Variants in MACROD2 observed in about 807,000 individuals in gnomAD.
MACROD2 encodes the protein mono-ADP ribosylhydrolase 2.
Under a neutral mutation model 70.4 loss-of-function variants are expected in MACROD2, and 36 were observed. The observed-to-expected ratio is 0.51, with a 90% CI of 0.39 to 0.68. MACROD2 has a LOEUF of 0.68. Among genes scored for constraint, MACROD2 ranks in the 30% least tolerant of loss-of-function variants. MACROD2 has a pLI of 0.00. For synonymous variants in MACROD2, 172 were observed against 178.8 expected, an observed-to-expected ratio of 0.96 and a Z score of 0.30; for missense variants, 496 against 538.4, an observed-to-expected ratio of 0.92 and a Z score of 0.78.
chr20:15,201,761 C>T (rs1317647620), intron 5 of MACROD2, among the ~76,000 whole-genome samples: 1 of 152,218 alleles, frequency 6.6e-6, no homozygotes, highest in Non-Finnish European at 1.5e-5. Context: ...TCTCTGATGT[C>T]TGCATTTGCA....
chr20:15,743,212 G>C (rs1024854837), intron 8 of MACROD2, among the ~76,000 whole-genome samples: 1 of 152,020 alleles, frequency 6.6e-6, no homozygotes, highest in Non-Finnish European at 1.5e-5. Context: ...ACATTTCAGC[G>C]GGCAAAGAAT....
intron 5 of MACROD2, among the ~76,000 whole-genome samples, chr20:15,019,438 T>C (rs1162455719): frequency 1.3e-5 from 2 of 152,158 alleles, no homozygotes; most frequent in African/African-American, 4.8e-5. Context: ...CTTTTTCCAC[T>C]ACACCCCTGC....
chr20:14,594,586 G>GT (rs1299872087), intron 4 of MACROD2, among the ~76,000 whole-genome samples: 1 of 151,948 alleles, frequency 6.6e-6, no homozygotes, highest in Non-Finnish European at 1.5e-5. Context: ...ATTATTTGTT[G>GT]TGGTTAAGTT....
At chr20:15,442,285 C>T (rs1236261087) in intron 7 of MACROD2, among the ~76,000 whole-genome samples, 1 of 152,110 alleles carries the variant, frequency 6.6e-6, no homozygotes, top group Non-Finnish European at 1.5e-5. Flanking sequence ...TGTATGTGAA[C>T]AAGACCATAT....
chr20:15,417,123 A>G (rs993489317), intron 6 of MACROD2, among the ~76,000 whole-genome samples: 6 of 152,120 alleles, frequency 3.9e-5, no homozygotes, highest in African/African-American at 1.4e-4. Flanking sequence ...TCCTTCTCCA[A>G]TTATGTGGTT....
intron 5 of MACROD2, among the ~76,000 whole-genome samples, chr20:15,185,479 A>G (rs1027029571): frequency 6.6e-6 from 1 of 152,186 alleles, no homozygotes; most frequent in Non-Finnish European, 1.5e-5. Flanking sequence ...TGTATCATTT[A>G]TCTGGGCTAA....
intron 5 of MACROD2, among the ~76,000 whole-genome samples, chr20:15,097,857 G>C (rs2075845488): frequency 6.6e-6 from 1 of 152,122 alleles, no homozygotes; most frequent in African/African-American, 2.4e-5. Context: ...CTTGGGAATG[G>C]GTATTTCAGT....
intron 6 of MACROD2, among the ~76,000 whole-genome samples, chr20:15,383,724 A>T (rs138985081): frequency 6.5e-4 from 99 of 152,228 alleles, no homozygotes; most frequent in African/African-American, 2.4e-3. Flanking sequence ...ACAAAATATG[A>T]TATGTGTTCC....
chr20:15,315,882 C>A (rs186818927), intron 6 of MACROD2, among the ~76,000 whole-genome samples: 58 of 151,760 alleles, frequency 3.8e-4, no homozygotes, highest in Admixed American at 3.3e-4. Flanking sequence ...TGGTTAATTG[C>A]CTCACAGTGC....
rs576313858 is a variant in MACROD2, at chr20:14,935,503, C to G, written c.418+250544C>G. On this transcript the variant is annotated intron_variant, in intron 5 of 17. Transcript: ENST00000684519. ...AACCCTAATGTAGCCAGTGAAAACT[C>G]AGGCATCTGGGATCCCTTGATATAA... 3.3e-5 allele frequency: 5 copies of G among 152,264 alleles called. No homozygotes were observed. The East Asian group carries it at 9.6e-4, about 29-fold the overall frequency. 9.4% of individuals were successfully genotyped at this position (152,264 alleles called of 1,614,324 possible). A position where few individuals can be genotyped will look rare whatever the true frequency, so the allele number is the denominator to read the frequency against.
intron 5 of MACROD2, among the ~76,000 whole-genome samples, chr20:15,035,116 G>A (rs533401851): frequency 6.6e-6 from 1 of 152,274 alleles, no homozygotes; most frequent in Non-Finnish European, 1.5e-5. Context: ...TACCAAGGCA[G>A]GGTGTCTTGG....
chr20:15,940,976 A>T (rs989370323), intron 12 of MACROD2, among the ~76,000 whole-genome samples: 5 of 152,200 alleles, frequency 3.3e-5, no homozygotes, highest in African/African-American at 1.2e-4. Flanking sequence ...GAATGTGACC[A>T]TGTTTCAGGC....
intron 4 of MACROD2, among the ~76,000 whole-genome samples, chr20:14,614,162 C>G (rs1312174267): frequency 1.3e-5 from 2 of 152,142 alleles, no homozygotes. Context: ...CCACACCTAA[C>G]TAACTGTGTG....
intron 15 of MACROD2, among the ~76,000 whole-genome samples, chr20:16,014,332 T>G (rs2066902053): frequency 6.6e-6 from 1 of 152,212 alleles, no homozygotes; most frequent in East Asian, 1.9e-4. Context: ...ACTATTGTTA[T>G]GAGGATTTGA....
chr20:15,590,943 GAGAA>G lies in MACROD2; in HGVS notation c.645+91110_645+91113del, dbSNP rs777903495. Among the ~76,000 whole-genome samples the G allele has an allele frequency of 4.7e-3, 609 of 130,106 alleles. 2 individuals are homozygous for G. Among genetic ancestry groups the G allele is most frequent in the East Asian group, 0.014 (64 of 4,486 alleles). The allele number at this position is 130,106 out of a possible 152,430, so 85.4% of individuals were successfully genotyped here. ...GGAAAGAAGGAAGGAAGGAAAGAGA[GAGAA>G]AGAAAGAAAGAAAAAGAAAGAAAGA... is the stretch of plus-strand genomic sequence containing the variant. On this transcript the variant is annotated intron_variant, in intron 8 of 17. Transcript: ENST00000684519.
At chr20:15,694,686 C>T (rs986317594) in intron 8 of MACROD2, among the ~76,000 whole-genome samples, 2 of 152,128 alleles carry the variant, frequency 1.3e-5, no homozygotes, top group African/African-American at 4.8e-5. Flanking sequence ...ACTCTGCTGA[C>T]TGTTCCTTTT....
At chr20:14,997,187 C>T (rs980567471) in intron 5 of MACROD2, among the ~76,000 whole-genome samples, 4 of 152,154 alleles carry the variant, frequency 2.6e-5, no homozygotes, top group African/African-American at 9.7e-5. Flanking sequence ...ATAAAGAGGA[C>T]TTTGTTTTAC....
chr20:14,974,847 C>T lies in MACROD2; in HGVS notation c.419-255093C>T, dbSNP rs551278906. On this transcript the variant is annotated intron_variant, in intron 5 of 17. Coordinates refer to ENST00000684519, the MANE Select transcript of MACROD2 (RefSeq NM_001351661.2). The stretch of plus-strand genomic sequence containing the variant: ...CAAGCAGATATGGATATGTGGATGC[C>T]ATGCAGACTGTGTGAACTCTAGAAC... Among the ~76,000 whole-genome samples the T allele has an allele frequency of 3.9e-5, 6 of 152,130 alleles. No homozygotes were observed. In the East Asian group the frequency reaches 9.7e-4, roughly 25 times the overall value.
intron 6 of MACROD2, among the ~76,000 whole-genome samples, chr20:15,239,594 T>C (rs2146001768): frequency 6.6e-6 from 1 of 152,222 alleles, no homozygotes; most frequent in African/African-American, 2.4e-5. Flanking sequence ...CCCATACGAG[T>C]AACTTTAGTG....
Sources: gnomAD v4.1 joint callset for allele counts (sites outside exome capture counted in the v4.1 genomes callset) on GRCh38, gnomAD v4.1.1 for gene constraint, MANE v1.5 for transcripts, NCBI Gene and HGNC (gene_info 2026-07-23, HGNC 2026-07-21) for gene names.